The following ADGRG2 variants were observed in gnomAD, a reference collection of about 807,000 sequenced individuals.
ADGRG2 encodes G protein-coupled receptor 64.
In ADGRG2, 26 loss-of-function variants were observed where a neutral mutation model predicts 74.1. That is an observed-to-expected ratio of 0.35 (90% CI 0.26 to 0.49). ADGRG2 has a LOEUF of 0.49. Among genes scored for constraint, ADGRG2 ranks in the 20% least tolerant of loss-of-function variants. ADGRG2 has a pLI of 0.99. For missense variants in ADGRG2, 619 were observed against 763.1 expected (o/e 0.81, Z 2.22); for synonymous variants, 296 against 295.2 (o/e 1.00, Z -0.03).
chrX:19,024,635 A>C (rs1282102432), intron 11 of ADGRG2, among the ~76,000 whole-genome samples: 1 of 112,289 alleles, frequency 8.9e-6, no homozygotes, highest in Admixed American at 9.5e-5. Flanking sequence ...TGCTACTGGC[A>C]TCTGGTAGAG....
At chrX:19,112,629 C>T (rs1602141660) in intron 1 of ADGRG2, among the ~76,000 whole-genome samples, 3 of 102,769 alleles carry the variant, frequency 2.9e-5, no homozygotes, top group African/African-American at 1.1e-4. Flanking sequence ...TCAGACAAAC[C>T]AGACATGATT....
At chrX:19,102,092 C>T (rs891547965) in intron 1 of ADGRG2, among the ~76,000 whole-genome samples, 5 of 105,939 alleles carry the variant, frequency 4.7e-5, no homozygotes, top group Non-Finnish European at 7.8e-5. Flanking sequence ...AAAATATTGC[C>T]GGGTGTGGTG....
At chrX:19,108,296 A>G (rs2062351655) in intron 1 of ADGRG2, among the ~76,000 whole-genome samples, 1 of 110,783 alleles carries the variant, frequency 9.0e-6, no homozygotes, top group African/African-American at 3.3e-5. Context: ...AAGTCTCATC[A>G]TTGTCTATGG....
intron 24 of ADGRG2, 73 bp downstream of exon 24, chrX:19,002,773 C>T (rs2060156588): frequency 9.9e-7 from 1 of 1,013,503 alleles, no homozygotes; most frequent in Non-Finnish European, 1.4e-6. Context: ...ATCGTTTCCA[C>T]CTGCTCAAAA....
At chrX:19,027,337 C>T in intron 10 of ADGRG2, 63 bp from the exon 11 acceptor site, 1 of 708,093 alleles carries the variant, frequency 1.4e-6, no homozygotes, top group Non-Finnish European at 2.3e-6. Flanking sequence ...CACTCTCTAA[C>T]AGTAAGTTGT....
chrX:19,061,353 C>G (rs1237037491), intron 3 of ADGRG2, among the ~76,000 whole-genome samples: 7 of 111,274 alleles, frequency 6.3e-5, no homozygotes, highest in Admixed American at 2.9e-4. Flanking sequence ...AATATGGAGG[C>G]TACAAAGAGA....
At chrX:19,092,158 T>TTTGATCCCAGCCC (rs2062026486) in intron 1 of ADGRG2, among the ~76,000 whole-genome samples, 1 of 112,007 alleles carries the variant, frequency 8.9e-6, no homozygotes, top group Non-Finnish European at 1.9e-5. Context: ...ATCCACAGCC[T>TTTGATCCCAGCCC]TTGATCCCAG....
chrX:19,013,729 G>A lies in ADGRG2; in HGVS notation c.1056C>T (p.Ala352=). Residue 352 remains alanine (A), a synonymous_variant, in exon 16 of 29, where the codon GCC becomes GCT. Coordinates refer to ENST00000379869, the MANE Select transcript of ADGRG2 (RefSeq NM_001079858.3). ...CGCTGGTAGTGTTGACATTCGCAGG[G>A]GCAGACACGGTGGGAGAGGAAAATG... The part of the protein sequence containing the change: ...KASFSSPTVS[A]PANVNTTSAP... 1 of 1,201,509 alleles carries A rather than the reference G, an allele frequency of 8.3e-7. No homozygotes were observed. Among genetic ancestry groups the A allele is most frequent in the Non-Finnish European group, 1.1e-6 (1 of 890,440 alleles).
chrX:19,050,614 G>A (rs182547662), intron 3 of ADGRG2, among the ~76,000 whole-genome samples: 8 of 111,913 alleles, frequency 7.1e-5, no homozygotes, highest in Admixed American at 1.9e-4. Flanking sequence ...GTAGTCAGTC[G>A]TGGTGGCTAG....
Position 18,989,908 on chromosome X carries a change from C to T in ADGRG2, c.*956G>A, listed in dbSNP as rs1187284608. The T allele has an allele frequency of 8.9e-6, 1 of 112,338 alleles. No individual in the cohort carries two copies. Among genetic ancestry groups the T allele is most frequent in the Non-Finnish European group, 1.9e-5 (1 of 53,194 alleles). 9.3% of individuals were successfully genotyped at this position (112,338 alleles called of 1,213,427 possible). ...AGAAGCGGCAGTGTATGTACCTCAT[C>T]TACGTTCACAATTTTCCTGACACAT... On this transcript the variant is annotated 3_prime_UTR_variant, in exon 29 of 29. Coordinates refer to ENST00000379869, the MANE Select transcript of ADGRG2 (RefSeq NM_001079858.3).
chrX:19,042,775 G>A (rs2061095922), intron 3 of ADGRG2, among the ~76,000 whole-genome samples: 1 of 111,209 alleles, frequency 9.0e-6, no homozygotes, highest in South Asian at 3.8e-4. Context: ...AGGATCACTT[G>A]AGGCCAGGAG....
At chrX:19,109,283 G>C (rs769197967) in intron 1 of ADGRG2, among the ~76,000 whole-genome samples, 9 of 111,283 alleles carry the variant, frequency 8.1e-5, no homozygotes, top group Non-Finnish European at 1.5e-4. Flanking sequence ...CAAGGGTGAT[G>C]GTTTCTCCAA....
rs1265451853 is a variant in ADGRG2 at position 19,004,859 on chromosome X, C to G, written c.1860G>C (p.Val620=). ...GVLLDLSRTS[V]LPAQMMALTF... ...TCAGAGCCATCATTTGAGCAGGCAG[C>G]ACAGATGTCCTAGATAGGTCCTGGA... Residue 620 remains valine, a synonymous_variant, in exon 23 of 29, where the codon GTG becomes GTC. Transcript: ENST00000379869. 28 of 1,193,239 alleles carry G rather than the reference C, an allele frequency of 2.3e-5. No homozygotes were observed. Among genetic ancestry groups the G allele is most frequent in the Non-Finnish European group, 3.2e-5 (28 of 881,988 alleles).
At chrX:19,010,851 C>A in intron 16 of ADGRG2, 73 bp from the exon 17 acceptor site, 1 of 768,506 alleles carries the variant, frequency 1.3e-6, no homozygotes, top group East Asian at 3.4e-5. Context: ...CGTACATAGA[C>A]CCTGTGATAT....
At chrX:19,049,628 ATT>A (rs1215566484) in intron 3 of ADGRG2, among the ~76,000 whole-genome samples, 2 of 100,837 alleles carry the variant, frequency 2.0e-5, no homozygotes, top group African/African-American at 3.6e-5. Flanking sequence ...TTTTTTTGTG[ATT>A]TTTTTTTTTT....
At chrX:19,030,661 TTAA>T (rs2060807329) in intron 9 of ADGRG2, among the ~76,000 whole-genome samples, 1 of 112,393 alleles carries the variant, frequency 8.9e-6, no homozygotes, top group South Asian at 3.6e-4. Flanking sequence ...TCAATAATTA[TTAA>T]TGTCTTTATT....
At chrX:19,118,331 C>T (rs767499958) in intron 1 of ADGRG2, among the ~76,000 whole-genome samples, 13 of 112,349 alleles carry the variant, frequency 1.2e-4, no homozygotes, top group Non-Finnish European at 7.5e-5. Context: ...AAATAGCCTT[C>T]CTACTCACTA....
intron 3 of ADGRG2, among the ~76,000 whole-genome samples, chrX:19,045,294 G>GTTATTATTATTCTTA (rs2061157814): frequency 1.0e-5 from 1 of 95,381 alleles, no homozygotes; most frequent in East Asian, 3.2e-4. Flanking sequence ...GGGGGGTGTT[G>GTTATTATTATTCTTA]TTATTATTAT....
intron 2 of ADGRG2, among the ~76,000 whole-genome samples, chrX:19,074,065 A>G (rs764465338): frequency 9.0e-6 from 1 of 111,266 alleles, no homozygotes; most frequent in Non-Finnish European, 1.9e-5. Context: ...AGAAAAGCAT[A>G]ATTAAATTTC....
Sources: gnomAD v4.1 joint callset for allele counts (sites outside exome capture counted in the v4.1 genomes callset) on GRCh38, gnomAD v4.1.1 for gene constraint, MANE v1.5 for transcripts, NCBI Gene and HGNC (gene_info 2026-07-23, HGNC 2026-07-21) for gene names.